The following PIP5K1B variants were observed in gnomAD, a reference collection of about 807,000 sequenced individuals.
PIP5K1B encodes phosphatidylinositol-4-phosphate 5-kinase type 1 beta.
PIP5K1B carries 42 observed loss-of-function variants against 67.0 expected under a neutral mutation model. The observed-to-expected ratio is 0.63, with a 90% CI of 0.49 to 0.81. The LOEUF (loss-of-function observed/expected upper bound fraction) is 0.81. Ranked by LOEUF, PIP5K1B falls within the 30% of genes least tolerant of loss-of-function variation. The pLI is 0.00. For missense variants in PIP5K1B, 459 were observed against 646.3 expected, an observed-to-expected ratio of 0.71 and a Z score of 3.14; for synonymous variants, 214 against 231.4, an observed-to-expected ratio of 0.92 and a Z score of 0.68.
In PIP5K1B at chr9:68,988,633, T is replaced by G. The variant is rs1315443725; in HGVS notation, c.1503-2507T>G. ...CCCGGCTAATATTTTGTATTTTTAG[T>G]AGTGACAAGGTTTCACCATATTGGC... is the stretch of plus-strand genomic sequence containing the variant. On this transcript the variant is annotated intron_variant, in intron 14 of 15. Transcript: ENST00000265382. Among the ~76,000 whole-genome samples the G allele has an allele frequency of 2.0e-5, 3 of 151,974 alleles. No individual in the cohort carries two copies. In the East Asian group the frequency reaches 5.8e-4, roughly 29 times the overall value.
chr9:68,711,904 A>T (rs950600892), intron 1 of PIP5K1B, among the ~76,000 whole-genome samples: 1 of 152,188 alleles, frequency 6.6e-6, no homozygotes, highest in South Asian at 2.1e-4. Flanking sequence ...TCTCTAAGTT[A>T]ATCAGCTTAA....
At chr9:68,807,561 T>C (rs766506001) in intron 2 of PIP5K1B, among the ~76,000 whole-genome samples, 1 of 152,162 alleles carries the variant, frequency 6.6e-6, no homozygotes, top group Non-Finnish European at 1.5e-5. Flanking sequence ...TTGGGGCATA[T>C]AGGGGATCTG....
At chr9:68,985,914 G>T (rs1378420804) in intron 14 of PIP5K1B, among the ~76,000 whole-genome samples, 7 of 152,162 alleles carry the variant, frequency 4.6e-5, no homozygotes. Context: ...TGTTTTCAAG[G>T]TTTCCTCATG....
chr9:68,744,957 C>A (rs1829213213), intron 2 of PIP5K1B, among the ~76,000 whole-genome samples: 1 of 152,150 alleles, frequency 6.6e-6, no homozygotes, highest in Admixed American at 6.6e-5. Context: ...AATATATAGC[C>A]CTGTACATAT....
At chr9:68,942,489 A>G (rs1224534585) in intron 14 of PIP5K1B, among the ~76,000 whole-genome samples, 1 of 148,744 alleles carries the variant, frequency 6.7e-6, no homozygotes, top group Admixed American at 6.6e-5. Context: ...GGTGGTGGTA[A>G]GTATCCAGTC....
intron 15 of PIP5K1B, among the ~76,000 whole-genome samples, chr9:68,995,196 A>AGAAGG (rs764923086): frequency 2.4e-4 from 35 of 148,774 alleles, no homozygotes; most frequent in African/African-American, 6.9e-4. Context: ...AAGGAAGGGA[A>AGAAGG]GAAGGGAAGG....
At chr9:68,892,416 A>G (rs969358560) in intron 7 of PIP5K1B, among the ~76,000 whole-genome samples, 1 of 152,234 alleles carries the variant, frequency 6.6e-6, no homozygotes, top group African/African-American at 2.4e-5. Flanking sequence ...GGATGAGTAC[A>G]GTTTTAGACA....
rs200640748 is a variant in PIP5K1B, at chr9:68,871,921, T to TC, written c.201-4754dup. ...AGTTGTCGGGTGTTTTTTTTTTTTT[T>TC]CCACACCCTACATAAGTGCATTGAA... On this transcript the variant is annotated intron_variant, in intron 5 of 15. Transcript: ENST00000265382. 5.5e-5 allele frequency among the ~76,000 whole-genome samples: 8 copies of TC among 144,814 alleles called. No individual in the cohort carries two copies. The South Asian group carries it at 6.5e-4, about 12-fold the overall frequency.
intron 2 of PIP5K1B, chr9:68,781,205 C>G: frequency 1.3e-6 from 1 of 772,510 alleles, no homozygotes; most frequent in Non-Finnish European, 2.1e-6. Context: ...CTTTGGATAC[C>G]CTTGAATTCA....
intron 2 of PIP5K1B, among the ~76,000 whole-genome samples, chr9:68,809,771 G>A (rs1403058583): frequency 6.6e-6 from 1 of 152,166 alleles, no homozygotes; most frequent in Non-Finnish European, 1.5e-5. Flanking sequence ...TTCTTCATAA[G>A]TGAAGCTTTC....
intron 14 of PIP5K1B, among the ~76,000 whole-genome samples, chr9:68,982,261 A>G (rs1829911685): frequency 6.6e-6 from 1 of 152,170 alleles, no homozygotes; most frequent in Non-Finnish European, 1.5e-5. Context: ...CTTGCTTCTA[A>G]GTGACCCCTA....
At chr9:69,004,940 G>C (rs567530353) in intron 15 of PIP5K1B, among the ~76,000 whole-genome samples, 1 of 152,156 alleles carries the variant, frequency 6.6e-6, no homozygotes, top group East Asian at 1.9e-4. Context: ...ATTTTAACAG[G>C]GTTATAAATT....
chr9:68,853,341 C>A (rs10869420), intron 4 of PIP5K1B, among the ~76,000 whole-genome samples: 62,521 of 151,986 alleles, frequency 0.41, 13,005 homozygotes, highest in South Asian at 0.45. Context: ...TATGAAAGGG[C>A]CTGGCTGGCC....
intron 7 of PIP5K1B, among the ~76,000 whole-genome samples, chr9:68,891,122 C>T (rs1381134845): frequency 2.0e-5 from 3 of 152,262 alleles, no homozygotes; most frequent in Non-Finnish European, 4.4e-5. Context: ...GTGGCACGCA[C>T]CTGTGGTCCC....
intron 8 of PIP5K1B, among the ~76,000 whole-genome samples, chr9:68,896,431 AC>A (rs1211486780): frequency 6.6e-6 from 1 of 151,528 alleles, no homozygotes; most frequent in African/African-American, 2.4e-5. Flanking sequence ...CAGGACTGAG[AC>A]CGCGAGGTCA....
At chr9:68,949,343 A>G (rs1055367723) in intron 14 of PIP5K1B, among the ~76,000 whole-genome samples, 1 of 152,180 alleles carries the variant, frequency 6.6e-6, no homozygotes, top group African/African-American at 2.4e-5. Context: ...GGAGCCCTGA[A>G]GTCTGCATTT....
At chr9:68,743,110 A>G (rs1251349190) in intron 2 of PIP5K1B, among the ~76,000 whole-genome samples, 3 of 152,172 alleles carry the variant, frequency 2.0e-5, no homozygotes, top group East Asian at 3.8e-4. Flanking sequence ...GATGAAACAT[A>G]GTCCCTGCTT....
intron 14 of PIP5K1B, among the ~76,000 whole-genome samples, chr9:68,973,012 T>C (rs1365525578): frequency 6.6e-6 from 1 of 152,190 alleles, no homozygotes; most frequent in Non-Finnish European, 1.5e-5. Flanking sequence ...ATCAACCCTG[T>C]TGTAAATAAC....
At chr9:69,001,553 C>T (rs1830825215) in intron 15 of PIP5K1B, among the ~76,000 whole-genome samples, 1 of 152,092 alleles carries the variant, frequency 6.6e-6, no homozygotes, top group Admixed American at 6.5e-5. Flanking sequence ...AGGAAACTTA[C>T]AATCATGGCA....
Sources: gnomAD v4.1 joint callset for allele counts (sites outside exome capture counted in the v4.1 genomes callset) on GRCh38, gnomAD v4.1.1 for gene constraint, MANE v1.5 for transcripts, NCBI Gene and HGNC (gene_info 2026-07-23, HGNC 2026-07-21) for gene names.